The following SORCS3 variants were observed in gnomAD, a reference collection of about 807,000 sequenced individuals.
The protein encoded by SORCS3 is sortilin related VPS10 domain containing receptor 3, also known as VPS10 domain-containing receptor SorCS3.
SORCS3 carries 57 observed loss-of-function variants against 146.3 expected under a neutral mutation model. The ratio of observed to expected loss-of-function variants is 0.39; its 90% CI spans 0.31 to 0.49. The LOEUF is 0.49. Ranked by LOEUF, SORCS3 falls within the 20% of genes least tolerant of loss-of-function variation. SORCS3 has a pLI of 0.92. For missense variants in SORCS3, 1,341 were observed against 1,575.5 expected (o/e 0.85, Z 2.52); for synonymous variants, 653 against 618.5 (o/e 1.06, Z -0.83).
intron 1 of SORCS3, among the ~76,000 whole-genome samples, chr10:104,838,032 A>G (rs1469433543): frequency 6.6e-6 from 1 of 152,188 alleles, no homozygotes; most frequent in African/African-American, 2.4e-5. Flanking sequence ...GCGATATTAT[A>G]TAATACCTGC....
chr10:104,767,965 A>G (rs2017201565), intron 1 of SORCS3, among the ~76,000 whole-genome samples: 1 of 152,118 alleles, frequency 6.6e-6, no homozygotes, highest in Non-Finnish European at 1.5e-5. Context: ...ACTCCAGTAC[A>G]GTGCATACTA....
intron 1 of SORCS3, among the ~76,000 whole-genome samples, chr10:104,809,919 A>AC (rs2133517549): frequency 6.6e-6 from 1 of 152,328 alleles, no homozygotes; most frequent in East Asian, 1.9e-4. Context: ...AGTGTCCTTT[A>AC]TTTGATGTTC....
chr10:105,252,755 T>G lies in SORCS3; in HGVS notation c.3106-20T>G. On this transcript the variant is annotated intron_variant, in intron 22 of 26. Coordinates refer to ENST00000369701, the MANE Select transcript of SORCS3 (RefSeq NM_014978.3). ...GGGCTGGCTCCTCCACAGCCTCTCTTTGTCTGAACATCTTTGCAGGTAACC... is the reference window on the plus strand; with the variant it reads ...GGGCTGGCTCCTCCACAGCCTCTCTGTGTCTGAACATCTTTGCAGGTAACC... 2 of 1,613,694 alleles carry G rather than the reference T, an allele frequency of 1.2e-6. No homozygotes were observed. The highest frequency in any genetic ancestry group is 1.7e-6 in the Non-Finnish European group (2 of 1,179,744).
chr10:104,848,248 A>T (rs564352492), intron 2 of SORCS3, among the ~76,000 whole-genome samples: 273 of 151,772 alleles, frequency 1.8e-3, no homozygotes, highest in Middle Eastern at 0.01. Context: ...GTGACTTTTC[A>T]TCTGGTTCAC....
At chr10:105,081,941 A>G (rs1182881961) in intron 5 of SORCS3, among the ~76,000 whole-genome samples, 1 of 152,072 alleles carries the variant, frequency 6.6e-6, no homozygotes. Context: ...TTAGGCCATA[A>G]GACAGTTTGT....
chr10:104,959,581 T>C (rs570758562), intron 3 of SORCS3, among the ~76,000 whole-genome samples: 1 of 152,270 alleles, frequency 6.6e-6, no homozygotes, highest in Admixed American at 6.5e-5. Context: ...TATGATATTC[T>C]TTTATAGGAG....
At chr10:105,084,976 C>T (rs376700367) in intron 5 of SORCS3, among the ~76,000 whole-genome samples, 4 of 152,142 alleles carry the variant, frequency 2.6e-5, no homozygotes, top group East Asian at 1.9e-4. Context: ...GTGATCCGCC[C>T]GACTCGGCCT....
At chr10:104,901,738 C>G (rs961468989) in intron 2 of SORCS3, among the ~76,000 whole-genome samples, 12 of 152,314 alleles carry the variant, frequency 7.9e-5, no homozygotes, top group African/African-American at 2.6e-4. Context: ...TTGCTCATGC[C>G]TTGCTTTCTA....
At chr10:104,717,638 G>A (rs1383257114) in intron 1 of SORCS3, among the ~76,000 whole-genome samples, 1 of 152,102 alleles carries the variant, frequency 6.6e-6, no homozygotes, top group Admixed American at 6.5e-5. Flanking sequence ...ACCTCTGAGG[G>A]CACCACCTGC....
In SORCS3 at chr10:104,722,206, A is replaced by G. The variant is rs375829402; in HGVS notation, c.627+80252A>G. Among the ~76,000 whole-genome samples, 95 of 152,296 alleles carry G rather than the reference A, an allele frequency of 6.2e-4. 2 individuals carry two copies. The South Asian group carries it at 0.012, about 19-fold the overall frequency. On this transcript the variant is annotated intron_variant, in intron 1 of 26. Coordinates refer to ENST00000369701, the MANE Select transcript of SORCS3 (RefSeq NM_014978.3). ...GCATGAAGGGTTGTTGAATTTTGTC[A>G]AAGGCCTTTTCTGCATCTATTGAGA...
chr10:105,157,269 A>G lies in SORCS3; in HGVS notation c.1614A>G (p.Pro538=). 1 of 1,614,018 alleles carries G rather than the reference A, an allele frequency of 6.2e-7. No individual in the cohort carries two copies. Among genetic ancestry groups the G allele is most frequent in the Non-Finnish European group, 8.5e-7 (1 of 1,179,918 alleles). The change falls in exon 10 of 27, where the codon CCA becomes CCG. Residue 538 remains proline, a synonymous_variant. Transcript: ENST00000369701. ...QAPDVDLRGS[P]VHCLLPFCSL... is the part of the protein sequence containing the mutation. ...CGGATGTGGACCTGAGAGGAAGCCC[A>G]GTGCACTGCCTGCTGGTCAGTCACT... is the stretch of plus-strand genomic sequence containing the variant.
chr10:105,131,262 T>C (rs913439277), intron 7 of SORCS3, among the ~76,000 whole-genome samples: 17 of 152,186 alleles, frequency 1.1e-4, no homozygotes, highest in African/African-American at 3.6e-4. Flanking sequence ...TCTTGGCTGA[T>C]CCTTTTGTTT....
chr10:104,813,744 A>G (rs932884002), intron 1 of SORCS3, among the ~76,000 whole-genome samples: 2 of 152,166 alleles, frequency 1.3e-5, no homozygotes, highest in Admixed American at 6.5e-5. Context: ...TTAAAGAAAA[A>G]TAATCTATCT....
At chr10:104,852,579 G>A (rs1007429985) in intron 2 of SORCS3, among the ~76,000 whole-genome samples, 4 of 152,156 alleles carry the variant, frequency 2.6e-5, no homozygotes, top group African/African-American at 4.8e-5. Context: ...CTCCCCTCTT[G>A]ATTCTGATGT....
intron 1 of SORCS3, among the ~76,000 whole-genome samples, chr10:104,671,189 T>C (rs2015847437): frequency 6.6e-6 from 1 of 151,846 alleles, no homozygotes; most frequent in Admixed American, 6.6e-5. Context: ...TTGAACAGTA[T>C]TAGTAAAAGC....
At chr10:105,232,100 G>T (rs2056769032) in intron 20 of SORCS3, among the ~76,000 whole-genome samples, 1 of 152,120 alleles carries the variant, frequency 6.6e-6, no homozygotes, top group Non-Finnish European at 1.5e-5. Context: ...TCTGAAAAAT[G>T]ATGTGGAAAA....
chr10:105,205,482 C>A lies in SORCS3; in HGVS notation c.2261+4229C>A, dbSNP rs112291474. ...ACCCTAGAGAGCCACTTTGCAGCAACCTCCATCATGGCGCTGGAGAAGGAC... is the reference window on the plus strand; with the variant it reads ...ACCCTAGAGAGCCACTTTGCAGCAAACTCCATCATGGCGCTGGAGAAGGAC... On this transcript the variant is annotated intron_variant, in intron 16 of 26. Coordinates refer to ENST00000369701, the MANE Select transcript of SORCS3 (RefSeq NM_014978.3). Among the ~76,000 whole-genome samples the A allele has an allele frequency of 9.1e-4, 139 of 152,238 alleles. 2 individuals are homozygous for A. The highest frequency in any genetic ancestry group is 3.2e-3 in the African/African-American group (134 of 41,544).
chr10:104,680,339 T>C (rs148765892), intron 1 of SORCS3, among the ~76,000 whole-genome samples: 5 of 152,352 alleles, frequency 3.3e-5, no homozygotes, highest in African/African-American at 1.2e-4. Context: ...TGTGGTGTTG[T>C]AGAGGTGGTG....
intron 22 of SORCS3, among the ~76,000 whole-genome samples, chr10:105,248,713 CAAAA>C (rs35611802): frequency 1.8e-5 from 2 of 110,346 alleles, no homozygotes; most frequent in Non-Finnish European, 1.8e-5. Flanking sequence ...GACTCCATCT[CAAAA>C]AAAAAAAAAA....
Sources: gnomAD v4.1 joint callset for allele counts (sites outside exome capture counted in the v4.1 genomes callset) on GRCh38, gnomAD v4.1.1 for gene constraint, MANE v1.5 for transcripts, NCBI Gene and HGNC (gene_info 2026-07-23, HGNC 2026-07-21) for gene names.